PHF24: variants seen among roughly 807,000 people sequenced by gnomAD.
PHF24 encodes the protein Galpha inhibitory interacting protein.
A neutral mutation model predicts 42.6 loss-of-function variants in PHF24; 25 were observed. That is an observed-to-expected ratio of 0.59 (90% CI 0.43 to 0.82). The LOEUF (loss-of-function observed/expected upper bound fraction) is 0.82. PHF24 is among the 40% of genes least tolerant of loss of function. PHF24 has a pLI of 0.00. For synonymous variants in PHF24, 185 were observed against 204.8 expected, an observed-to-expected ratio of 0.90 and a Z score of 0.83; for missense variants, 470 against 538.1, an observed-to-expected ratio of 0.87 and a Z score of 1.25.
the PHF24 span, among the ~76,000 whole-genome samples, chr9:34,679,269 A>G: frequency 2.5e-4 from 38 of 152,324 alleles, no homozygotes; most frequent in African/African-American, 9.1e-4. Context: ...GAAGCCCAAG[A>G]GCAGGTTGCT....
chr9:34,704,499 A>G, the PHF24 span, among the ~76,000 whole-genome samples: 695 of 117,264 alleles, frequency 5.9e-3, 2 homozygotes, highest in African/African-American at 0.024. Flanking sequence ...GTGTGTGTGT[A>G]TGTTATCATT....
chr9:34,799,610 T>C, the PHF24 span, among the ~76,000 whole-genome samples: 1 of 152,158 alleles, frequency 6.6e-6, no homozygotes, highest in Non-Finnish European at 1.5e-5. Flanking sequence ...TCAATCAGAG[T>C]TCTAATTTCT....
chr9:34,950,219 A>C, the PHF24 span, among the ~76,000 whole-genome samples: 1 of 151,848 alleles, frequency 6.6e-6, no homozygotes, highest in East Asian at 1.9e-4. Context: ...ATGGGGGTGC[A>C]CTGCTGTAGT....
chr9:34,966,881 TA>T (rs1826790426), intron 1 of PHF24, among the ~76,000 whole-genome samples: 1 of 152,106 alleles, frequency 6.6e-6, no homozygotes, highest in South Asian at 2.1e-4. Flanking sequence ...TCCATCTTTT[TA>T]ATCACTGTAA....
intron 1 of PHF24, among the ~76,000 whole-genome samples, chr9:34,969,084 A>G (rs1826879287): frequency 6.6e-6 from 1 of 152,196 alleles, no homozygotes; most frequent in Non-Finnish European, 1.5e-5. Context: ...AAAGACTGAA[A>G]TAAGGCCATT....
At chr9:34,762,016 G>A in the PHF24 span, among the ~76,000 whole-genome samples, 309 of 152,000 alleles carry the variant, frequency 2.0e-3, 1 homozygote, top group African/African-American at 6.5e-3. Context: ...TCCCTACAAA[G>A]GACATGAACT....
chr9:34,915,314 A>G, the PHF24 span, among the ~76,000 whole-genome samples: 1 of 151,476 alleles, frequency 6.6e-6, no homozygotes, highest in African/African-American at 2.4e-5. Context: ...TAGTCAAAGC[A>G]TTTTCAGCAG....
the PHF24 span, among the ~76,000 whole-genome samples, chr9:34,820,884 T>A: frequency 6.6e-6 from 1 of 152,226 alleles, no homozygotes; most frequent in Non-Finnish European, 1.5e-5. Flanking sequence ...CTCCACAATC[T>A]TGCAGCATCT....
intron 1 of PHF24, among the ~76,000 whole-genome samples, chr9:34,962,551 C>T (rs546426303): frequency 4.8e-4 from 73 of 152,238 alleles, no homozygotes; most frequent in Non-Finnish European, 9.0e-4. Flanking sequence ...TTGTGCCTGA[C>T]GCATAGTAGG....
chr9:34,834,874 G>A, the PHF24 span: 818 of 1,435,490 alleles, frequency 5.7e-4, 13 homozygotes, highest in Non-Finnish European at 7.1e-4. Context: ...GCAGTTGGGG[G>A]AAGGAGAGAT....
the PHF24 span, among the ~76,000 whole-genome samples, chr9:34,944,888 TTAAAA>T: frequency 6.9e-6 from 1 of 144,936 alleles, no homozygotes; most frequent in African/African-American, 2.5e-5. Context: ...ACTTGTCTCT[TTAAAA>T]AAAAAAAAAA....
chr9:34,899,686 C>T, the PHF24 span, among the ~76,000 whole-genome samples: 6 of 152,162 alleles, frequency 3.9e-5, no homozygotes, highest in African/African-American at 1.2e-4. Flanking sequence ...GCTCACACAG[C>T]GGATTACTAC....
chr9:34,930,622 TGAC>T, the PHF24 span, among the ~76,000 whole-genome samples: 1 of 152,096 alleles, frequency 6.6e-6, no homozygotes, highest in Non-Finnish European at 1.5e-5. Context: ...AGCAATGGTA[TGAC>T]AATTCTTCTT....
chr9:34,894,941 A>G, the PHF24 span: 2 of 397,942 alleles, frequency 5.0e-6, no homozygotes, highest in Non-Finnish European at 8.9e-6. Flanking sequence ...TGCAGTGGTT[A>G]GAGCACCTGC....
chr9:34,697,404 C>T, the PHF24 span, among the ~76,000 whole-genome samples: 1 of 152,292 alleles, frequency 6.6e-6, no homozygotes, highest in South Asian at 2.1e-4. Flanking sequence ...ACTGCAACCT[C>T]CACCTCCTGG....
the PHF24 span, among the ~76,000 whole-genome samples, chr9:34,708,687 C>T: frequency 6.6e-6 from 1 of 152,190 alleles, no homozygotes; most frequent in Non-Finnish European, 1.5e-5. Context: ...GTCTGAAGGT[C>T]ATGGAAAAGA....
At chr9:34,832,356 TG>T in the PHF24 span, 3 of 765,966 alleles carry the variant, frequency 3.9e-6, no homozygotes, top group East Asian at 5.4e-5. Context: ...AGGACAGTGG[TG>T]GGGGTGGCCT....
At chr9:34,800,803 C>T in the PHF24 span, among the ~76,000 whole-genome samples, 2 of 152,032 alleles carry the variant, frequency 1.3e-5, no homozygotes, top group Admixed American at 6.5e-5. Context: ...GCAACAAAAG[C>T]CAAAATTGAC....
At chr9:34,829,311 C>G in the PHF24 span, among the ~76,000 whole-genome samples, 1 of 152,000 alleles carries the variant, frequency 6.6e-6, no homozygotes, top group African/African-American at 2.4e-5. Flanking sequence ...GGCAGGGAAT[C>G]GAGAGTTCAT....
Sources: allele counts gnomAD v4.1 joint callset (sites outside exome capture counted in the v4.1 genomes callset), GRCh38; gene constraint gnomAD v4.1.1; transcripts MANE v1.5; gene names NCBI Gene and HGNC (gene_info 2026-07-23, HGNC 2026-07-21).